The following ARAP1 variants were observed in gnomAD, a reference collection of about 807,000 sequenced individuals.
ARAP1 encodes ArfGAP with RhoGAP domain, ankyrin repeat and PH domain 1.
ARAP1 carries 76 observed loss-of-function variants against 172.2 expected under a neutral mutation model. That is an observed-to-expected ratio of 0.44 (90% confidence interval 0.37 to 0.53). The LOEUF is 0.53. ARAP1 is among the 20% of genes least tolerant of loss of function. ARAP1 has a pLI of 0.00. For synonymous variants in ARAP1, 804 were observed against 803.3 expected, an observed-to-expected ratio of 1.00 and a Z score of -0.01; for missense variants, 1,686 against 1,977.5, an observed-to-expected ratio of 0.85 and a Z score of 2.80.
chr11:72,751,773 G>T (rs1486967335), intron 1 of ARAP1, among the ~76,000 whole-genome samples: 2 of 150,100 alleles, frequency 1.3e-5, no homozygotes, highest in Non-Finnish European at 3.0e-5. Context: ...TGCACCCTAA[G>T]CCTGCTCTCT....
intron 34 of ARAP1, 117 bp from the exon 35 acceptor site, chr11:72,685,798 A>C: frequency 6.9e-7 from 1 of 1,449,062 alleles, no homozygotes; most frequent in Non-Finnish European, 9.6e-7. Context: ...GAGCACTCCA[A>C]TCAGCCAGGC....
chr11:72,704,215 C>T lies in ARAP1; in HGVS notation c.1929G>A (p.Lys643=), dbSNP rs756536898. The change falls in exon 14 of 35, where the codon AAG becomes AAA. Residue 643 remains lysine, a synonymous_variant. Coordinates refer to ENST00000393609, the MANE Select transcript of ARAP1 (RefSeq NM_001040118.3). ...AGCGGCGGTACTTGCCCTCACGGTA[C>T]TTGGCCTCCAGGTGGCACCGCCGGG... ...PSTRRCHLEA[K]YREGKYRRYH... is the part of the protein sequence containing the mutation. 3 of 1,613,996 alleles carry T rather than the reference C, an allele frequency of 1.9e-6. No individual in the cohort carries two copies. The highest frequency in any genetic ancestry group is 1.7e-5 in the Admixed American group (1 of 60,026).
At chr11:72,702,321 A>AGAGCCCC (rs1396203946) in intron 15 of ARAP1, among the ~76,000 whole-genome samples, 1 of 149,218 alleles carries the variant, frequency 6.7e-6, no homozygotes, top group Non-Finnish European at 1.5e-5. Flanking sequence ...CCCTGAGCCC[A>AGAGCCCC]GAGCCCCAGC....
chr11:72,685,774 C>A, intron 34 of ARAP1, 93 bp from the exon 35 acceptor site: 1 of 1,544,530 alleles, frequency 6.5e-7, no homozygotes, highest in East Asian at 2.2e-5. Context: ...AGCCACTCTC[C>A]ACTGCCAGCC....
At position 72,686,211 on chromosome 11, in the gene ARAP1, G is replaced by GAA; in HGVS notation, c.4186-21_4186-20insTT. ...GTCATGCTGGGGAGCAGAGAGGAAG[G>GAA]GGCTGGGCTCAGCTTCAGTTCACCC... On this transcript the variant is annotated intron_variant, in intron 33 of 34. Coordinates refer to ENST00000393609, the MANE Select transcript of ARAP1 (RefSeq NM_001040118.3). The GAA allele has an allele frequency of 1.9e-6, 3 of 1,603,730 alleles. No individual in the cohort carries two copies. Among genetic ancestry groups the GAA allele is most frequent in the East Asian group, 2.2e-5 (1 of 44,676 alleles).
At position 72,721,979 on chromosome 11, in the gene ARAP1, G is replaced by GCCTGGCC. The variant is rs1438943095; in HGVS notation, c.509+4634_509+4640dup. The GCCTGGCC allele has an allele frequency of 4.9e-5, 48 of 986,252 alleles. No individual in the cohort carries two copies. In the East Asian group the frequency reaches 4.4e-3, roughly 90 times the overall value. 61.1% of individuals were successfully genotyped at this position (986,252 alleles called of 1,614,324 possible). A position where few individuals can be genotyped will look rare whatever the true frequency, so the allele number is the denominator to read the frequency against. On this transcript the variant is annotated intron_variant, in intron 3 of 34. Coordinates refer to ENST00000393609, the MANE Select transcript of ARAP1 (RefSeq NM_001040118.3). ...CCCGCCTGGGCTGGTCTCGCAAACA[G>GCCTGGCC]CCTGGCCCCTGGCCCCTGGGTGGGT...
At chr11:72,687,568 C>A (rs1855744909) in intron 32 of ARAP1, 66 bp from the exon 33 acceptor site, 4 of 1,612,856 alleles carry the variant, frequency 2.5e-6, no homozygotes, top group Non-Finnish European at 2.5e-6. Flanking sequence ...ACCGTGTCTG[C>A]CTTCCCAGCC....
At chr11:72,701,091 C>T (rs1262988902) in intron 16 of ARAP1, among the ~76,000 whole-genome samples, 1 of 152,092 alleles carries the variant, frequency 6.6e-6, no homozygotes, top group African/African-American at 2.4e-5. Context: ...AGAGACCTGA[C>T]GGAAGTGAGG....
At chr11:72,708,340 T>G (rs537296027) in intron 11 of ARAP1, 1 of 152,270 alleles carries the variant, frequency 6.6e-6, no homozygotes, top group Admixed American at 6.5e-5. Context: ...TGCACCCAAA[T>G]GCAACGAGCC....
At chr11:72,740,819 G>C (rs1037970712) in intron 1 of ARAP1, among the ~76,000 whole-genome samples, 13 of 152,030 alleles carry the variant, frequency 8.6e-5, no homozygotes, top group African/African-American at 3.1e-4. Flanking sequence ...GAGACGCCAG[G>C]GTCCCCGAGG....
In ARAP1 at chr11:72,740,185, C is replaced by A. The variant is rs75624625; in HGVS notation, c.-127-7588G>T. Among the ~76,000 whole-genome samples the A allele has an allele frequency of 1.5e-3, 234 of 152,328 alleles. 2 individuals carry two copies. The highest frequency in any genetic ancestry group is 5.5e-3 in the African/African-American group (227 of 41,570). ...TCACTTCCCTACACCTGCCAGGCAC[C>A]TTTGAGCAGTGCACAACACGCACAC... On this transcript the variant is annotated intron_variant, in intron 1 of 34. Coordinates refer to ENST00000393609, the MANE Select transcript of ARAP1 (RefSeq NM_001040118.3).
chr11:72,710,615 C>G lies in ARAP1; in HGVS notation c.1214-28G>C. 6.3e-7 allele frequency: 1 copy of G among 1,578,274 alleles called. No homozygotes were observed. Among genetic ancestry groups the G allele is most frequent in the South Asian group, 1.1e-5 (1 of 89,604 alleles). ...GCAGGAGAAGGGTAGAGGAGTAAGC[C>G]CAAGGTTGCAGGGAGCCCCTCAGGG... On this transcript the variant is annotated intron_variant, in intron 9 of 34. Transcript: ENST00000393609. The surrounding 1 kb of genome is among the most constrained non-coding windows in gnomAD (Gnocchi z 4.3).
intron 1 of ARAP1, among the ~76,000 whole-genome samples, chr11:72,747,036 T>C (rs1423258316): frequency 6.6e-6 from 1 of 152,148 alleles, no homozygotes; most frequent in East Asian, 1.9e-4. Flanking sequence ...CAGCTCAGCC[T>C]TGCTCCTGGT....
intron 5 of ARAP1, chr11:72,712,970 C>A (rs778521330): frequency 1.1e-4 from 69 of 624,594 alleles, no homozygotes; most frequent in Non-Finnish European, 1.6e-4. Context: ...CCTGGGGGAG[C>A]CACACCAGAG....
At chr11:72,713,525 T>C (rs1857129500) in intron 4 of ARAP1, among the ~76,000 whole-genome samples, 1 of 151,896 alleles carries the variant, frequency 6.6e-6, no homozygotes, top group Non-Finnish European at 1.5e-5. Context: ...GCAACAAGAA[T>C]CAACAAATGT....
chr11:72,687,650 T>C, intron 32 of ARAP1, 38 bp downstream of exon 32: 1 of 1,614,052 alleles, frequency 6.2e-7, no homozygotes, highest in Non-Finnish European at 8.5e-7. Context: ...CCACCATCTT[T>C]CCTCAGCCTG....
At position 72,701,918 on chromosome 11, in the gene ARAP1, C is replaced by A. The variant is rs888577530; in HGVS notation, c.2168-135G>T. On this transcript the variant is annotated intron_variant, in intron 15 of 34. Coordinates refer to ENST00000393609, the MANE Select transcript of ARAP1 (RefSeq NM_001040118.3). ...CAGCTCCCTAACTGGCAGCCTCAAGCTCCCCCTCCTACCTGCAGGGTCTTG... is the reference window on the plus strand; with the variant it reads ...CAGCTCCCTAACTGGCAGCCTCAAGATCCCCCTCCTACCTGCAGGGTCTTG... The A allele has an allele frequency of 6.0e-6, 7 of 1,160,470 alleles. No homozygotes were observed. The African/African-American group carries it at 1.1e-4, about 18-fold the overall frequency. The allele number at this position is 1,160,470 out of a possible 1,614,324, so 71.9% of individuals were successfully genotyped here. A position where few individuals can be genotyped will look rare whatever the true frequency, so the allele number is the denominator to read the frequency against.
In ARAP1 at chr11:72,687,706, TTC is replaced by T; in HGVS notation, c.4101_4102del (p.Lys1368ThrfsTer2). Reference sequence around the variant, plus strand: ...CACTCACCACTGCTGCTTCTCATGTTTCTCTGTCTCATGCACCACTGTGAAGC... The same window carrying T: ...CACTCACCACTGCTGCTTCTCATGTTTCTGTCTCATGCACCACTGTGAAGC... On this transcript the variant is annotated frameshift_variant, in exon 32 of 35. Coordinates refer to ENST00000393609, the MANE Select transcript of ARAP1 (RefSeq NM_001040118.3). LOFTEE classifies it high-confidence loss of function. The T allele has an allele frequency of 6.2e-7, 1 of 1,614,204 alleles. No homozygotes were observed. The highest frequency in any genetic ancestry group is 8.5e-7 in the Non-Finnish European group (1 of 1,180,042).
chr11:72,704,208 CA>C lies in ARAP1; in HGVS notation c.1935del (p.Glu646ArgfsTer85). ...GGGTGGTAGCGGCGGTACTTGCCCT[CA>C]CGGTACTTGGCCTCCAGGTGGCACC... ...TRRCHLEAKY[R>X]EGKYRRYHPL... On this transcript the variant is annotated frameshift_variant, in exon 14 of 35. Coordinates refer to ENST00000393609, the MANE Select transcript of ARAP1 (RefSeq NM_001040118.3). LOFTEE classifies it high-confidence loss of function. The C allele has an allele frequency of 6.2e-7, 1 of 1,613,992 alleles. No homozygotes were observed. The highest frequency in any genetic ancestry group is 8.5e-7 in the Non-Finnish European group (1 of 1,179,984).
Sources: allele counts gnomAD v4.1 joint callset (sites outside exome capture counted in the v4.1 genomes callset), GRCh38; gene constraint gnomAD v4.1.1; non-coding constraint Gnocchi (gnomAD v3.1); transcripts MANE v1.5; gene names NCBI Gene and HGNC (gene_info 2026-07-23, HGNC 2026-07-21).